The following SAXO5 variants were observed in gnomAD, a reference collection of about 807,000 sequenced individuals.
The protein encoded by SAXO5 is stabilizer of axonemal microtubules 5.
At chr19:7,504,973 C>T in the SAXO5 span, among the ~76,000 whole-genome samples, 1 of 146,566 alleles carries the variant, frequency 6.8e-6, no homozygotes, top group Admixed American at 6.9e-5. Flanking sequence ...GCTTCTTCTT[C>T]TTCTTTTTTT....
the SAXO5 span, chr19:7,500,907 G>A: frequency 2.1e-5 from 33 of 1,581,750 alleles, no homozygotes; most frequent in East Asian, 7.6e-4. Flanking sequence ...CTTCTCGCTG[G>A]GGCCTGACCT....
At chr19:7,507,215 A>G in the SAXO5 span, 16 of 1,287,280 alleles carry the variant, frequency 1.2e-5, no homozygotes, top group East Asian at 3.0e-4. Context: ...CAGGACGACT[A>G]TGCTGTCACC....
chr19:7,507,384 A>C, the SAXO5 span, among the ~76,000 whole-genome samples: 1 of 152,124 alleles, frequency 6.6e-6, no homozygotes, highest in Non-Finnish European at 1.5e-5. Context: ...GGAGTTCGAG[A>C]CCAGCCTGGC....
chr19:7,506,263 C>T, the SAXO5 span: 58 of 1,084,596 alleles, frequency 5.3e-5, 1 homozygote, highest in Admixed American at 4.4e-5. Context: ...CATGGAGCCC[C>T]GCCCCCACGG....
At chr19:7,499,386 G>A in the SAXO5 span, among the ~76,000 whole-genome samples, 4 of 148,164 alleles carry the variant, frequency 2.7e-5, no homozygotes, top group African/African-American at 5.0e-5. Flanking sequence ...GGAGGGGCGG[G>A]GGAGGGGGAG....
chr19:7,499,164 T>C, the SAXO5 span, among the ~76,000 whole-genome samples: 1 of 151,674 alleles, frequency 6.6e-6, no homozygotes, highest in Non-Finnish European at 1.5e-5. Context: ...ATACAAAACT[T>C]AGACGGGCAT....
chr19:7,507,357 C>T, the SAXO5 span, among the ~76,000 whole-genome samples: 1 of 152,086 alleles, frequency 6.6e-6, no homozygotes, highest in Non-Finnish European at 1.5e-5. Flanking sequence ...CCGAAGCAGG[C>T]GGATCACCTG....
At chr19:7,507,022 G>A in the SAXO5 span, 6 of 1,576,820 alleles carry the variant, frequency 3.8e-6, no homozygotes, top group African/African-American at 6.8e-5. Context: ...TCGGCCCACA[G>A]CCCTCACTCA....
At chr19:7,498,749 C>G in the SAXO5 span, among the ~76,000 whole-genome samples, 1 of 152,106 alleles carries the variant, frequency 6.6e-6, no homozygotes, top group Admixed American at 6.6e-5. Context: ...TTGAAGTGAT[C>G]TGGGAGGTCT....
At chr19:7,507,577 C>T in the SAXO5 span, among the ~76,000 whole-genome samples, 1 of 141,210 alleles carries the variant, frequency 7.1e-6, no homozygotes, top group Non-Finnish European at 1.6e-5. Context: ...AAGACTCTGC[C>T]TCAAAAAAAG....
the SAXO5 span, among the ~76,000 whole-genome samples, chr19:7,497,876 C>T: frequency 5.3e-5 from 8 of 152,102 alleles, no homozygotes; most frequent in Non-Finnish European, 2.9e-5. Flanking sequence ...CTCAGCCAGG[C>T]GCGGTGGCTC....
At chr19:7,503,471 G>GT in the SAXO5 span, among the ~76,000 whole-genome samples, 3 of 151,418 alleles carry the variant, frequency 2.0e-5, no homozygotes, top group South Asian at 2.1e-4. Context: ...TATTATTGGG[G>GT]TTTTTTTGTT....
chr19:7,507,671 A>G, the SAXO5 span, among the ~76,000 whole-genome samples: 2,460 of 151,820 alleles, frequency 0.016, 27 homozygotes, highest in Non-Finnish European at 0.024. Flanking sequence ...CACCACCACC[A>G]CTGTTATACC....
chr19:7,507,017 C>T, the SAXO5 span: 3 of 1,560,302 alleles, frequency 1.9e-6, no homozygotes, highest in Admixed American at 3.4e-5. Context: ...CCGCCTCGGC[C>T]CACAGCCCTC....
At chr19:7,506,358 G>A in the SAXO5 span, 1 of 307,638 alleles carries the variant, frequency 3.3e-6, no homozygotes, top group Non-Finnish European at 5.4e-6. Context: ...CCCCTCCCCC[G>A]GCTTCATCCC....
At chr19:7,498,166 CACAT>C in the SAXO5 span, among the ~76,000 whole-genome samples, 87 of 105,230 alleles carry the variant, frequency 8.3e-4, 1 homozygote, top group East Asian at 0.012. Flanking sequence ...CACACACACA[CACAT>C]ACACACACAC....
At chr19:7,508,343 G>C in the SAXO5 span, 1 of 1,613,908 alleles carries the variant, frequency 6.2e-7, no homozygotes, top group Non-Finnish European at 8.5e-7. Flanking sequence ...TCGTGCCCCT[G>C]GGCACGCCTC....
the SAXO5 span, chr19:7,504,098 CCA>C: frequency 1.3e-5 from 20 of 1,536,942 alleles, no homozygotes; most frequent in Non-Finnish European, 1.7e-5. Flanking sequence ...CTCTCTCCCC[CCA>C]TCCCCCTTGC....
At chr19:7,507,244 T>C in the SAXO5 span, 2 of 1,017,930 alleles carry the variant, frequency 2.0e-6, no homozygotes, top group Admixed American at 2.0e-5. Context: ...GAGTTAGTGA[T>C]CACCCAGGCT....
Sources: gnomAD v4.1 joint callset for allele counts (sites outside exome capture counted in the v4.1 genomes callset) on GRCh38, gnomAD v4.1.1 for gene constraint, MANE v1.5 for transcripts, NCBI Gene and HGNC (gene_info 2026-07-23, HGNC 2026-07-21) for gene names.